The following FUT9 variants were observed in gnomAD, a reference collection of about 807,000 sequenced individuals.
The protein encoded by FUT9 is fucosyltransferase 9, also known as 4-galactosyl-N-acetylglucosaminide 3-alpha-L-fucosyltransferase 9.
A neutral mutation model predicts 29.7 loss-of-function variants in FUT9; 15 were observed. The observed-to-expected ratio is 0.51, with a 90% confidence interval of 0.34 to 0.78. FUT9 has a LOEUF of 0.78. FUT9 is among the 30% of genes least tolerant of loss of function. The pLI, the probability that FUT9 is intolerant of heterozygous loss-of-function variation, is 0.01. For missense variants in FUT9, 319 were observed against 425.4 expected (o/e 0.75, Z 2.20); for synonymous variants, 169 against 153.7 (o/e 1.10, Z -0.74).
At chr6:96,152,628 T>C (rs1183747147) in intron 2 of FUT9, among the ~76,000 whole-genome samples, 4 of 152,190 alleles carry the variant, frequency 2.6e-5, no homozygotes, top group African/African-American at 9.6e-5. Context: ...GCCCCTACCA[T>C]TTAAGATAAA....
chr6:96,067,585 T>C (rs1485353896), intron 1 of FUT9, among the ~76,000 whole-genome samples: 1 of 152,074 alleles, frequency 6.6e-6, no homozygotes, highest in Non-Finnish European at 1.5e-5. Flanking sequence ...GAGAAGGGCA[T>C]TGAGTATGCA....
chr6:96,016,780 C>T (rs1769987797), intron 1 of FUT9, among the ~76,000 whole-genome samples: 1 of 152,170 alleles, frequency 6.6e-6, no homozygotes, highest in Admixed American at 6.5e-5. Flanking sequence ...CTGACAGTCA[C>T]CTCAGGAAAT....
intron 1 of FUT9, among the ~76,000 whole-genome samples, chr6:96,096,412 TAA>T (rs1771497668): frequency 6.6e-6 from 1 of 152,174 alleles, no homozygotes; most frequent in Admixed American, 6.6e-5. Flanking sequence ...TTTTAAAATA[TAA>T]GTCAGCTCAT....
chr6:96,058,531 T>TG, intron 1 of FUT9, among the ~76,000 whole-genome samples: 1 of 138,936 alleles, frequency 7.2e-6, no homozygotes, highest in Non-Finnish European at 1.5e-5. Flanking sequence ...ACTTTGGAAA[T>TG]CCCTTTGAAG....
At chr6:96,016,523 C>A (rs1263032851) in intron 1 of FUT9, among the ~76,000 whole-genome samples, 1 of 152,164 alleles carries the variant, frequency 6.6e-6, no homozygotes, top group Non-Finnish European at 1.5e-5. Flanking sequence ...CAAACAGGGT[C>A]ATCTCTACTG....
intron 2 of FUT9, among the ~76,000 whole-genome samples, chr6:96,176,102 G>A (rs1274134924): frequency 1.3e-5 from 2 of 152,136 alleles, no homozygotes; most frequent in Admixed American, 6.5e-5. Flanking sequence ...CAGGGCTTGC[G>A]CCCCTTCCCT....
At chr6:96,067,750 A>AAAAAAG (rs1770988779) in intron 1 of FUT9, among the ~76,000 whole-genome samples, 1 of 152,164 alleles carries the variant, frequency 6.6e-6, no homozygotes, top group Non-Finnish European at 1.5e-5. Flanking sequence ...TTAAAAAAGA[A>AAAAAAG]AAAAAGAACC....
intron 1 of FUT9, among the ~76,000 whole-genome samples, chr6:96,043,297 C>CA: frequency 1.4e-5 from 1 of 71,388 alleles, no homozygotes; most frequent in African/African-American, 1.2e-4. Flanking sequence ...GTGATCCTCT[C>CA]GCCTCGGGTC....
intron 1 of FUT9, among the ~76,000 whole-genome samples, chr6:96,039,329 C>T (rs191972325): frequency 6.6e-6 from 1 of 152,190 alleles, no homozygotes; most frequent in East Asian, 1.9e-4. Context: ...CTTCACAGTC[C>T]TCAGAGTATG....
At chr6:96,142,616 C>T (rs1772485120) in intron 2 of FUT9, among the ~76,000 whole-genome samples, 1 of 152,054 alleles carries the variant, frequency 6.6e-6, no homozygotes, top group Admixed American at 6.5e-5. Flanking sequence ...TTGTGTGTGT[C>T]CCACCCCCAC....
intron 1 of FUT9, chr6:96,036,635 T>G (rs1418388279): frequency 1.3e-5 from 2 of 151,960 alleles, no homozygotes; most frequent in Non-Finnish European, 2.9e-5. Flanking sequence ...AATTGTTTCT[T>G]CCTTACAGAA....
intron 1 of FUT9, among the ~76,000 whole-genome samples, chr6:96,106,638 G>A (rs1771691562): frequency 6.6e-6 from 1 of 152,142 alleles, no homozygotes; most frequent in African/African-American, 2.4e-5. Context: ...TAAGTATGAA[G>A]TGCATTGCAG....
At chr6:96,129,137 C>A (rs1198898894) in intron 2 of FUT9, among the ~76,000 whole-genome samples, 2 of 149,736 alleles carry the variant, frequency 1.3e-5, no homozygotes, top group Non-Finnish European at 3.0e-5. Context: ...TGGTGGCGGG[C>A]GCCTGTAGTC....
At chr6:96,119,132 C>T (rs192320559) in intron 2 of FUT9, among the ~76,000 whole-genome samples, 3 of 152,170 alleles carry the variant, frequency 2.0e-5, no homozygotes, top group Admixed American at 6.5e-5. Flanking sequence ...TAAAGTCTAC[C>T]GTAGTGTACA....
At chr6:96,157,307 G>A (rs764247320) in intron 2 of FUT9, among the ~76,000 whole-genome samples, 5 of 152,140 alleles carry the variant, frequency 3.3e-5, no homozygotes, top group Admixed American at 6.5e-5. Context: ...TCACAAAGGA[G>A]GACCTTGAGC....
In FUT9 at chr6:96,206,473, T is replaced by C. The variant is rs2127992410; in HGVS notation, c.*2238T>C. On this transcript the variant is annotated 3_prime_UTR_variant, in exon 3 of 3. Transcript: ENST00000302103. ...AAGCACCTGCTTTTTTTTATTATTA[T>C]TATTTTTGTGATAGAGTCTTGCTCT... is the stretch of plus-strand genomic sequence containing the variant. 6.0e-6 allele frequency: 1 copy of C among 167,090 alleles called. No homozygotes were observed. The highest frequency in any genetic ancestry group is 2.1e-4 in the South Asian group (1 of 4,828). 10.4% of individuals were successfully genotyped at this position (167,090 alleles called of 1,614,324 possible).
At chr6:96,157,498 G>A (rs184622639) in intron 2 of FUT9, among the ~76,000 whole-genome samples, 27 of 152,222 alleles carry the variant, frequency 1.8e-4, no homozygotes, top group East Asian at 3.9e-4. Context: ...CTGGATTTGG[G>A]AGTGTTTATT....
At chr6:96,168,424 T>C (rs1186182815) in intron 2 of FUT9, among the ~76,000 whole-genome samples, 5 of 152,054 alleles carry the variant, frequency 3.3e-5, no homozygotes, top group Non-Finnish European at 7.4e-5. Context: ...GAAAGAGTGA[T>C]CAGAAAGGGA....
chr6:96,027,839 T>G (rs1369930930), intron 1 of FUT9, among the ~76,000 whole-genome samples: 1 of 151,686 alleles, frequency 6.6e-6, no homozygotes, highest in Non-Finnish European at 1.5e-5. Context: ...TTTGGAAATT[T>G]AAGAATTCTA....
Sources: allele counts gnomAD v4.1 joint callset (sites outside exome capture counted in the v4.1 genomes callset), GRCh38; gene constraint gnomAD v4.1.1; transcripts MANE v1.5; gene names NCBI Gene and HGNC (gene_info 2026-07-23, HGNC 2026-07-21).